The following NCK2 variants were observed in gnomAD, a reference collection of about 807,000 sequenced individuals.
NCK2 encodes the protein cytoplasmic protein NCK2.
Under a neutral mutation model 33.9 loss-of-function variants are expected in NCK2, and 16 were observed. The ratio of observed to expected loss-of-function variants is 0.47; its 90% CI spans 0.32 to 0.72. The LOEUF is 0.72. Among genes scored for constraint, NCK2 ranks in the 30% least tolerant of loss-of-function variants. NCK2 has a pLI of 0.03. For synonymous variants in NCK2, 273 were observed against 239.9 expected (o/e 1.14, Z -1.27); for missense variants, 418 against 537.3 (o/e 0.78, Z 2.19).
At chr2:105,846,584 A>G (rs1437867505) in intron 2 of NCK2, 2 of 152,290 alleles carry the variant, frequency 1.3e-5, no homozygotes, top group African/African-American at 4.8e-5. Flanking sequence ...AATAAATTCT[A>G]TTGAGGATGC....
At chr2:105,801,611 G>A (rs963643375) in intron 1 of NCK2, among the ~76,000 whole-genome samples, 1 of 151,826 alleles carries the variant, frequency 6.6e-6, no homozygotes, top group Non-Finnish European at 1.5e-5. Context: ...ACCTGCATCC[G>A]CATTGTCTTG....
At chr2:105,887,720 C>G (rs3769495) in intron 4 of NCK2, among the ~76,000 whole-genome samples, 30,784 of 152,064 alleles carry the variant, frequency 0.2, 3,869 homozygotes, top group Admixed American at 0.32. Context: ...CATTTTTTTC[C>G]TTCTATGAGA....
chr2:105,814,469 C>G (rs1204105845), intron 1 of NCK2, among the ~76,000 whole-genome samples: 1 of 152,120 alleles, frequency 6.6e-6, no homozygotes, highest in Non-Finnish European at 1.5e-5. Context: ...TTGGAGAGGC[C>G]GTGTTCTGAC....
chr2:105,835,124 G>C (rs1300270399), intron 2 of NCK2, among the ~76,000 whole-genome samples: 1 of 151,488 alleles, frequency 6.6e-6, no homozygotes, highest in African/African-American at 2.4e-5. Flanking sequence ...GGTAATATTT[G>C]ATTCCTTTCA....
At chr2:105,761,840 C>G (rs1689775073) in intron 1 of NCK2, among the ~76,000 whole-genome samples, 1 of 152,130 alleles carries the variant, frequency 6.6e-6, no homozygotes, top group Non-Finnish European at 1.5e-5. Flanking sequence ...TGATCAGGCC[C>G]CTGTACTCCA....
chr2:105,887,713 T>C (rs1238904086), intron 4 of NCK2, among the ~76,000 whole-genome samples: 1 of 152,186 alleles, frequency 6.6e-6, no homozygotes, highest in East Asian at 1.9e-4. Flanking sequence ...CGGCATTCAT[T>C]TTTTTCCTTC....
intron 1 of NCK2, among the ~76,000 whole-genome samples, chr2:105,768,892 CCAATGAGTT>C (rs946909585): frequency 3.9e-5 from 6 of 152,170 alleles, no homozygotes; most frequent in African/African-American, 1.4e-4. Context: ...GTGCACCATC[CCAATGAGTT>C]CATGACGTGG....
chr2:105,747,707 G>A (rs2104319304), intron 1 of NCK2, among the ~76,000 whole-genome samples: 1 of 152,342 alleles, frequency 6.6e-6, no homozygotes, highest in South Asian at 2.1e-4. Context: ...TTCCCATCCA[G>A]AGGGTTTGCG....
chr2:105,833,141 C>A (rs1479169516), intron 2 of NCK2, among the ~76,000 whole-genome samples: 4 of 151,754 alleles, frequency 2.6e-5, no homozygotes, highest in African/African-American at 9.7e-5. Flanking sequence ...GTTGCCCAGG[C>A]TGGAGTGTAG....
intron 3 of NCK2, among the ~76,000 whole-genome samples, chr2:105,879,942 C>T (rs1017652396): frequency 3.9e-5 from 6 of 152,136 alleles, no homozygotes; most frequent in Admixed American, 6.5e-5. Context: ...AGGTAGAGGT[C>T]GAAGCAGAGC....
chr2:105,834,872 C>T (rs559577685), intron 2 of NCK2, among the ~76,000 whole-genome samples: 15 of 151,928 alleles, frequency 9.9e-5, no homozygotes, highest in African/African-American at 3.6e-4. Flanking sequence ...GAGATGGGGT[C>T]TCATTGTATT....
intron 4 of NCK2, among the ~76,000 whole-genome samples, chr2:105,882,805 CCTT>C (rs1678562224): frequency 6.6e-6 from 1 of 152,134 alleles, no homozygotes; most frequent in Admixed American, 6.5e-5. Flanking sequence ...TCCGAATACA[CCTT>C]CTACAATCGA....
chr2:105,883,754 A>C (rs970716695), intron 4 of NCK2, among the ~76,000 whole-genome samples: 3 of 152,216 alleles, frequency 2.0e-5, no homozygotes, highest in Non-Finnish European at 4.4e-5. Flanking sequence ...ATATTGTTAG[A>C]GAATGAGCTA....
chr2:105,838,181 C>T (rs1024214891), intron 2 of NCK2, among the ~76,000 whole-genome samples: 2 of 151,766 alleles, frequency 1.3e-5, no homozygotes, highest in Admixed American at 1.3e-4. Context: ...ATCTTGTGTT[C>T]TCACAGCTGT....
intron 1 of NCK2, among the ~76,000 whole-genome samples, chr2:105,750,193 C>T (rs987498659): frequency 2.6e-5 from 4 of 152,146 alleles, no homozygotes; most frequent in South Asian, 2.1e-4. Context: ...CTTCCTGGCT[C>T]GTCTTCTTGT....
intron 1 of NCK2, among the ~76,000 whole-genome samples, chr2:105,784,211 C>T (rs940866372): frequency 2.0e-5 from 3 of 152,188 alleles, no homozygotes; most frequent in Non-Finnish European, 2.9e-5. Context: ...TCAAGTAATC[C>T]GCCCGCCTCA....
intron 2 of NCK2, among the ~76,000 whole-genome samples, chr2:105,833,159 A>C (rs1044938820): frequency 3.3e-5 from 5 of 150,666 alleles, no homozygotes; most frequent in African/African-American, 7.3e-5. Context: ...TAGTGGCGTG[A>C]TCTCTGCTCA....
intron 1 of NCK2, among the ~76,000 whole-genome samples, chr2:105,764,053 C>T (rs1053870058): frequency 3.3e-5 from 5 of 152,210 alleles, no homozygotes; most frequent in Non-Finnish European, 7.3e-5. Context: ...TGCCCTCAGC[C>T]CCGTTTAACA....
At chr2:105,806,033 T>A (rs1406241013) in intron 1 of NCK2, among the ~76,000 whole-genome samples, 1 of 152,090 alleles carries the variant, frequency 6.6e-6, no homozygotes, top group Non-Finnish European at 1.5e-5. Flanking sequence ...GTAAACTGTG[T>A]TGTGTGCCTG....
Sources: gnomAD v4.1 joint callset for allele counts (sites outside exome capture counted in the v4.1 genomes callset) on GRCh38, gnomAD v4.1.1 for gene constraint, MANE v1.5 for transcripts, NCBI Gene and HGNC (gene_info 2026-07-23, HGNC 2026-07-21) for gene names.